Variants in ANKRD6 observed in about 807,000 individuals in gnomAD.
The protein encoded by ANKRD6 is ankyrin repeat domain 6, also known as ankyrin repeat domain-containing protein 6.
In ANKRD6, 56 loss-of-function variants were observed where a neutral mutation model predicts 82.3. The observed-to-expected ratio is 0.68, with a 90% confidence interval of 0.55 to 0.85. The LOEUF is 0.85. Ranked by LOEUF, ANKRD6 falls within the 40% of genes least tolerant of loss-of-function variation. The pLI, the probability that ANKRD6 is intolerant of heterozygous loss-of-function variation, is 0.00. For synonymous variants in ANKRD6, 347 were observed against 352.1 expected, an observed-to-expected ratio of 0.99 and a Z score of 0.16; for missense variants, 852 against 907.6, an observed-to-expected ratio of 0.94 and a Z score of 0.79.
chr6:89,499,885 T>C (rs1207393554), intron 1 of ANKRD6, among the ~76,000 whole-genome samples: 4 of 152,070 alleles, frequency 2.6e-5, no homozygotes, highest in African/African-American at 9.7e-5. Context: ...CAAAACAGCA[T>C]TCCAAACAGA....
At chr6:89,603,497 T>G (rs888973229) in intron 4 of ANKRD6, among the ~76,000 whole-genome samples, 1 of 152,036 alleles carries the variant, frequency 6.6e-6, no homozygotes, top group Admixed American at 6.6e-5. Flanking sequence ...TTGTATTTTT[T>G]AAAAATCTTT....
intron 1 of ANKRD6, among the ~76,000 whole-genome samples, chr6:89,439,751 T>G (rs1041433708): frequency 6.6e-6 from 1 of 152,206 alleles, no homozygotes; most frequent in African/African-American, 2.4e-5. Flanking sequence ...CAGGCTGGAG[T>G]GCAGTAGTGC....
intron 1 of ANKRD6, among the ~76,000 whole-genome samples, chr6:89,527,114 A>T (rs1782587174): frequency 6.6e-6 from 1 of 152,224 alleles, no homozygotes. Flanking sequence ...AATCACAGGC[A>T]TAGGTATATG....
rs187816462 is a variant in ANKRD6 at position 89,460,247 on chromosome 6, A to C, written c.-144+26872A>C. 4.7e-4 allele frequency among the ~76,000 whole-genome samples: 71 copies of C among 151,824 alleles called. No individual in the cohort carries two copies. The East Asian group carries it at 0.013, about 27-fold the overall frequency. ...GTAGTTATTATAATATCAATTAACA[A>C]ATTTTTTCTTTTTTTACTTAAAGTT... On this transcript the variant is annotated intron_variant, in intron 1 of 15. Transcript: ENST00000339746.
chr6:89,516,189 G>C (rs1195718479), intron 1 of ANKRD6, among the ~76,000 whole-genome samples: 1 of 152,194 alleles, frequency 6.6e-6, no homozygotes, highest in Non-Finnish European at 1.5e-5. Context: ...CCTGTGACTG[G>C]ATAGACTGAG....
intron 2 of ANKRD6, among the ~76,000 whole-genome samples, chr6:89,578,232 T>A (rs1791590500): frequency 6.6e-6 from 1 of 151,636 alleles, no homozygotes; most frequent in Non-Finnish European, 1.5e-5. Flanking sequence ...CATGAGACTG[T>A]TAACATTGGC....
At chr6:89,473,698 G>A (rs1410386309) in intron 1 of ANKRD6, among the ~76,000 whole-genome samples, 1 of 152,164 alleles carries the variant, frequency 6.6e-6, no homozygotes, top group Non-Finnish European at 1.5e-5. Context: ...TCAACTTGTA[G>A]CTAGGTGTGG....
chr6:89,545,707 C>T (rs139059637), intron 1 of ANKRD6, among the ~76,000 whole-genome samples: 13 of 152,220 alleles, frequency 8.5e-5, no homozygotes, highest in African/African-American at 2.4e-4. Context: ...TTGAATCAAA[C>T]GTGGTTGTTG....
Position 89,626,511 on chromosome 6 carries a change from G to A in ANKRD6, c.1372-1072G>A, listed in dbSNP as rs553217779. Among the ~76,000 whole-genome samples, 246 of 152,294 alleles carry A rather than the reference G, an allele frequency of 1.6e-3. 1 individual carries two copies. The highest frequency in any genetic ancestry group is 3.4e-3 in the Middle Eastern group (1 of 294). On this transcript the variant is annotated intron_variant, in intron 13 of 15. Transcript: ENST00000339746. ...AGTAGGCCAATCCTAGAAAACAGGA[G>A]GAGCACAGGTCACAGGAAAACATGG...
At chr6:89,500,598 TTCTGAGAGTTCTCAGAAA>T (rs1461756223) in intron 1 of ANKRD6, among the ~76,000 whole-genome samples, 1 of 152,196 alleles carries the variant, frequency 6.6e-6, no homozygotes, top group Non-Finnish European at 1.5e-5. Context: ...GCCATTGAAT[TTCTGAGAGTTCTCAGAAA>T]TCGTGTAATG....
At chr6:89,554,446 C>T (rs1583249485) in intron 1 of ANKRD6, among the ~76,000 whole-genome samples, 1 of 149,526 alleles carries the variant, frequency 6.7e-6, no homozygotes, top group African/African-American at 2.5e-5. Context: ...TTAATCACGT[C>T]TTTTTTTTTT....
At chr6:89,595,884 T>C in intron 2 of ANKRD6, 32 bp from the exon 3 acceptor site, 1 of 1,555,862 alleles carries the variant, frequency 6.4e-7, no homozygotes, top group Non-Finnish European at 8.8e-7. Context: ...TGAGGACTTG[T>C]TCCGAAATCA....
At chr6:89,440,480 C>A (rs1771234792) in intron 1 of ANKRD6, among the ~76,000 whole-genome samples, 1 of 152,128 alleles carries the variant, frequency 6.6e-6, no homozygotes, top group Non-Finnish European at 1.5e-5. Context: ...AGAAGGGACA[C>A]CTTTGTTAAT....
intron 1 of ANKRD6, among the ~76,000 whole-genome samples, chr6:89,511,797 A>G (rs1355691838): frequency 6.6e-6 from 1 of 152,172 alleles, no homozygotes; most frequent in Non-Finnish European, 1.5e-5. Context: ...GGATTACCTT[A>G]TGATTTGCAA....
chr6:89,546,613 G>A (rs1424465030), intron 1 of ANKRD6, among the ~76,000 whole-genome samples: 12 of 152,050 alleles, frequency 7.9e-5, no homozygotes, highest in East Asian at 3.9e-4. Flanking sequence ...ATAGCCGTGC[G>A]CCACCATGCC....
At chr6:89,616,863 C>T (rs1231379799) in intron 8 of ANKRD6, 1 of 679,352 alleles carries the variant, frequency 1.5e-6, no homozygotes, top group Non-Finnish European at 2.7e-6. Flanking sequence ...AGCCTTGGGG[C>T]CTGCTTTTAG....
intron 1 of ANKRD6, among the ~76,000 whole-genome samples, chr6:89,495,813 G>A (rs1778546128): frequency 1.3e-5 from 2 of 152,054 alleles, no homozygotes; most frequent in South Asian, 4.2e-4. Flanking sequence ...TGCTGTCTAG[G>A]ACACTTTTTG....
chr6:89,493,275 C>T (rs988342105), intron 1 of ANKRD6, among the ~76,000 whole-genome samples: 2 of 152,156 alleles, frequency 1.3e-5, no homozygotes, highest in Admixed American at 1.3e-4. Flanking sequence ...TTCCTTGCCT[C>T]TTGCAGTTTC....
chr6:89,602,780 A>G (rs751037160), intron 3 of ANKRD6: 41 of 488,258 alleles, frequency 8.4e-5, no homozygotes, highest in Non-Finnish European at 1.4e-4. Flanking sequence ...TCTGTGGCCG[A>G]GGGCTATTCT....
Sources: gnomAD v4.1 joint callset for allele counts (sites outside exome capture counted in the v4.1 genomes callset) on GRCh38, gnomAD v4.1.1 for gene constraint, MANE v1.5 for transcripts, NCBI Gene and HGNC (gene_info 2026-07-23, HGNC 2026-07-21) for gene names.